KIF26B: variants seen among roughly 807,000 people sequenced by gnomAD.
KIF26B encodes the protein kinesin family member 26B, also known as kinesin-like protein KIF26B.
In KIF26B, 63 loss-of-function variants were observed where a neutral mutation model predicts 151.2. The observed-to-expected ratio is 0.42, with a 90% confidence interval of 0.34 to 0.51. KIF26B has a LOEUF of 0.51. KIF26B is among the 20% of genes least tolerant of loss of function. The probability of loss-of-function intolerance (pLI) is 0.07; values close to 1 mark genes in which losing one functional copy is unlikely to be tolerated. For missense variants in KIF26B, 2,813 were observed against 2,913.6 expected, an observed-to-expected ratio of 0.97 and a Z score of 0.79; for synonymous variants, 1,357 against 1,262.1, an observed-to-expected ratio of 1.08 and a Z score of -1.59.
intron 2 of KIF26B, among the ~76,000 whole-genome samples, chr1:245,336,481 G>A (rs548409874): frequency 6.6e-6 from 1 of 152,308 alleles, no homozygotes; most frequent in East Asian, 1.9e-4. Flanking sequence ...GATCTGCTCT[G>A]GGGAGGGATG....
At chr1:245,206,742 C>T (rs745463384) in intron 2 of KIF26B, 6 of 152,196 alleles carry the variant, frequency 3.9e-5, no homozygotes, top group Non-Finnish European at 8.8e-5. Context: ...CAGCAAATTT[C>T]CATGAACTCT....
chr1:245,493,120 G>A (rs912976606), intron 4 of KIF26B, among the ~76,000 whole-genome samples: 6 of 152,072 alleles, frequency 3.9e-5, no homozygotes, highest in South Asian at 2.1e-4. Flanking sequence ...ACTTACAAAC[G>A]TGTAGCAAGC....
chr1:245,654,301 A>G (rs1469124170), intron 10 of KIF26B, among the ~76,000 whole-genome samples: 2 of 151,738 alleles, frequency 1.3e-5, no homozygotes, highest in Non-Finnish European at 2.9e-5. Context: ...GTAAGAATGT[A>G]ATGATGAGGG....
chr1:245,328,117 T>TTGCTGATA (rs528832467), intron 2 of KIF26B, among the ~76,000 whole-genome samples: 66 of 143,586 alleles, frequency 4.6e-4, no homozygotes, highest in Non-Finnish European at 4.0e-4. Flanking sequence ...ATGAACTGCT[T>TTGCTGATA]TGCTGGTAGG....
chr1:245,282,190 A>G (rs1042748260), intron 2 of KIF26B, among the ~76,000 whole-genome samples: 4 of 152,080 alleles, frequency 2.6e-5, no homozygotes, highest in African/African-American at 4.8e-5. Context: ...TACAGATTCA[A>G]TGCCATCCCC....
intron 5 of KIF26B, among the ~76,000 whole-genome samples, chr1:245,569,451 T>C (rs914811243): frequency 6.6e-5 from 10 of 151,636 alleles, no homozygotes; most frequent in Non-Finnish European, 1.2e-4. Context: ...CTACAAAAAG[T>C]ACAAAAAAAT....
intron 2 of KIF26B, among the ~76,000 whole-genome samples, chr1:245,198,625 G>A (rs192290419): frequency 9.6e-4 from 146 of 152,086 alleles, no homozygotes; most frequent in African/African-American, 3.3e-3. Flanking sequence ...GGGAGGCTGA[G>A]GCAGGAGAAT....
chr1:245,173,367 T>C (rs367671080), intron 2 of KIF26B, among the ~76,000 whole-genome samples: 3 of 152,306 alleles, frequency 2.0e-5, no homozygotes, highest in African/African-American at 7.2e-5. Flanking sequence ...GTTGTTTTAC[T>C]GGGCGCACAC....
chr1:245,214,428 T>A (rs1449187402), intron 2 of KIF26B, among the ~76,000 whole-genome samples: 1 of 151,802 alleles, frequency 6.6e-6, no homozygotes, highest in Non-Finnish European at 1.5e-5. Context: ...CAAAGGAGCA[T>A]AAAGAATGTA....
At chr1:245,658,803 C>G (rs2044102349) in intron 10 of KIF26B, among the ~76,000 whole-genome samples, 1 of 152,152 alleles carries the variant, frequency 6.6e-6, no homozygotes, top group African/African-American at 2.4e-5. Flanking sequence ...TCTCCTTTCC[C>G]CCCTCCTAAT....
chr1:245,684,458 C>A, intron 11 of KIF26B, 63 bp downstream of exon 11: 1 of 1,477,316 alleles, frequency 6.8e-7, no homozygotes. Flanking sequence ...TGCCCTGGAA[C>A]AGAGTCAGAA....
chr1:245,286,150 C>A (rs1300189718), intron 2 of KIF26B, among the ~76,000 whole-genome samples: 1 of 152,104 alleles, frequency 6.6e-6, no homozygotes, highest in African/African-American at 2.4e-5. Context: ...TCGTTTCTTA[C>A]AACTTACTCA....
chr1:245,493,225 A>G (rs1660445713), intron 4 of KIF26B, among the ~76,000 whole-genome samples: 1 of 152,184 alleles, frequency 6.6e-6, no homozygotes, highest in Admixed American at 6.5e-5. Flanking sequence ...CATAAAGGGT[A>G]CCCTAGAGGC....
In KIF26B at chr1:245,540,827, C is replaced by T. The variant is rs372159973; in HGVS notation, c.1227C>T (p.Ser409=). 84 of 1,613,846 alleles carry T rather than the reference C, an allele frequency of 5.2e-5. No homozygotes were observed. Among genetic ancestry groups the T allele is most frequent in the African/African-American group, 4.8e-4 (36 of 74,900 alleles). ...KKKKHRPSTS[S]AAEPPLFATS... is the part of the protein sequence containing the mutation. ...AGAAACATCGGCCTTCCACTTCTTC[C>T]GCTGCCGAACCACCGCTCTTTGCAA... The change falls in exon 5 of 15, where the codon TCC becomes TCT. Residue 409 remains serine, a synonymous_variant. Coordinates refer to ENST00000407071, the MANE Select transcript of KIF26B (RefSeq NM_018012.4). The surrounding 1 kb of genome is among the most constrained non-coding windows in gnomAD (Gnocchi z 4.6).
At chr1:245,412,239 T>TA in intron 3 of KIF26B, among the ~76,000 whole-genome samples, 1 of 152,264 alleles carries the variant, frequency 6.6e-6, no homozygotes, top group Admixed American at 6.5e-5. Context: ...TAAGTAACAG[T>TA]GTAAGTAGCA....
intron 2 of KIF26B, among the ~76,000 whole-genome samples, chr1:245,314,906 C>A (rs769915812): frequency 1.3e-5 from 2 of 152,162 alleles, no homozygotes; most frequent in African/African-American, 4.8e-5. Context: ...TAAGGCCAGG[C>A]GCGGTGGCTC....
chr1:245,356,505 C>T (rs112915280), intron 2 of KIF26B, among the ~76,000 whole-genome samples: 2,784 of 151,872 alleles, frequency 0.018, 90 homozygotes, highest in African/African-American at 0.063. Flanking sequence ...TGCAGTGAGC[C>T]GAGATTGCAC....
intron 2 of KIF26B, among the ~76,000 whole-genome samples, chr1:245,169,403 AGGTGGTAACAC>A (rs1449366085): frequency 6.7e-6 from 1 of 150,070 alleles, no homozygotes; most frequent in Non-Finnish European, 1.5e-5. Context: ...GCAGCATGTA[AGGTGGTAACAC>A]GGTAGACATT....
intron 4 of KIF26B, among the ~76,000 whole-genome samples, chr1:245,444,092 G>A (rs1459608450): frequency 7.5e-6 from 1 of 132,972 alleles, no homozygotes; most frequent in African/African-American, 2.8e-5. Context: ...TTCACCCTGC[G>A]GTCATCTCCC....
Sources: allele counts gnomAD v4.1 joint callset (sites outside exome capture counted in the v4.1 genomes callset), GRCh38; gene constraint gnomAD v4.1.1; non-coding constraint Gnocchi (gnomAD v3.1); transcripts MANE v1.5; gene names NCBI Gene and HGNC (gene_info 2026-07-23, HGNC 2026-07-21).